SMAD2: variants seen among roughly 807,000 people sequenced by gnomAD.
SMAD2 encodes MAD homolog 2.
In SMAD2, 8 loss-of-function variants were observed where a neutral mutation model predicts 64.4. The observed-to-expected ratio is 0.12, with a 90% CI of 0.07 to 0.22. The LOEUF is 0.22. Ranked by LOEUF, SMAD2 falls within the 10% of genes least tolerant of loss-of-function variation. SMAD2 has a pLI of 1.00. For missense variants in SMAD2, 289 were observed against 561.2 expected (o/e 0.51, Z 4.90); for synonymous variants, 203 against 195.8 (o/e 1.04, Z -0.31).
intron 7 of SMAD2, 142 bp downstream of exon 7, chr18:47,851,132 A>G (rs1442443828): frequency 3.1e-6 from 2 of 646,914 alleles, no homozygotes; most frequent in East Asian, 2.8e-5. Context: ...AAAAAGCACT[A>G]CTTTAACCAC....
intron 6 of SMAD2, among the ~76,000 whole-genome samples, chr18:47,859,386 T>A (rs1012149460): frequency 3.9e-5 from 6 of 152,174 alleles, no homozygotes; most frequent in African/African-American, 7.2e-5. Flanking sequence ...TTTCCAACTA[T>A]ATATGGAACT....
At chr18:47,862,750 T>C (rs972262676) in intron 6 of SMAD2, among the ~76,000 whole-genome samples, 1 of 152,238 alleles carries the variant, frequency 6.6e-6, no homozygotes, top group Non-Finnish European at 1.5e-5. Context: ...GCACAGTGTA[T>C]GTAGAAGATA....
chr18:47,878,161 A>T (rs1268550994), intron 2 of SMAD2: 1 of 152,200 alleles, frequency 6.6e-6, no homozygotes, highest in Non-Finnish European at 1.5e-5. Context: ...AGCTCTAAGT[A>T]GAGCTCACCA....
In SMAD2 at chr18:47,852,040, G is replaced by A. The variant is rs536805004; in HGVS notation, c.731-713C>T. Among the ~76,000 whole-genome samples the A allele has an allele frequency of 2.6e-5, 4 of 152,232 alleles. No homozygotes were observed. In the East Asian group the frequency reaches 7.7e-4, roughly 29 times the overall value. On this transcript the variant is annotated intron_variant, in intron 6 of 10. Transcript: ENST00000262160. ...GATGCTTGAGGTGTTATTGCTTCTA[G>A]ATGAAAACATGGTCACAAGTACAGT...
rs1191716240 is a variant in SMAD2, at chr18:47,828,149, A to T, written c.*13678T>A. On this transcript the variant is annotated 3_prime_UTR_variant, in exon 11 of 11. Transcript: ENST00000262160. ...CGGCCGCCCCGTCTGAGAAGTGAGG[A>T]GCCCCTCCGCCCAGCAACCACCCCG... The T allele has an allele frequency of 6.5e-6, 1 of 153,272 alleles. No individual in the cohort carries two copies. The highest frequency in any genetic ancestry group is 2.6e-5 in the African/African-American group (1 of 37,968). The allele number at this position is 153,272 out of a possible 1,614,324, so 9.5% of individuals were successfully genotyped here. A position where few individuals can be genotyped will look rare whatever the true frequency, so the allele number is the denominator to read the frequency against.
intron 6 of SMAD2, among the ~76,000 whole-genome samples, chr18:47,859,667 A>T (rs2031009547): frequency 6.6e-6 from 1 of 152,204 alleles, no homozygotes; most frequent in African/African-American, 2.4e-5. Context: ...ATAGCTTTAA[A>T]TGTGTACATT....
Position 47,810,520 on chromosome 18 carries a change from C to T in SMAD2, c.*31307G>A, listed in dbSNP as rs902759116. On this transcript the variant is annotated 3_prime_UTR_variant, in exon 11 of 11. Transcript: ENST00000262160. ...TGCCTTATAATTGGCATTAGTGGCACCTGTGACAGCAAATCAAGGTCCTCC... is the reference window on the plus strand; with the variant it reads ...TGCCTTATAATTGGCATTAGTGGCATCTGTGACAGCAAATCAAGGTCCTCC... 4 of 152,184 alleles carry T rather than the reference C, an allele frequency of 2.6e-5. No homozygotes were observed. Among genetic ancestry groups the T allele is most frequent in the African/African-American group, 9.7e-5 (4 of 41,440 alleles). The allele number at this position is 152,184 out of a possible 1,614,324, so 9.4% of individuals were successfully genotyped here.
In SMAD2 at chr18:47,833,432, C is replaced by T. The variant is rs79514034; in HGVS notation, c.*8395G>A. ...AAAATAAAAAAGGAACCACATCGTA[C>T]TTTTGACAATCATAGAACGAAAGCT... On this transcript the variant is annotated 3_prime_UTR_variant, in exon 11 of 11. Transcript: ENST00000262160. 0.012 allele frequency: 2,797 copies of T among 227,258 alleles called. 22 individuals carry two copies. The highest frequency in any genetic ancestry group is 0.025 in the African/African-American group (1,114 of 45,110). The allele number at this position is 227,258 out of a possible 1,614,324, so 14.1% of individuals were successfully genotyped here.
In SMAD2 at chr18:47,826,510, C is replaced by T. The variant is rs1016094767; in HGVS notation, c.*15317G>A. 2 of 152,216 alleles carry T rather than the reference C, an allele frequency of 1.3e-5. No individual in the cohort carries two copies. The allele number at this position is 152,216 out of a possible 1,614,324, so 9.4% of individuals were successfully genotyped here. On this transcript the variant is annotated 3_prime_UTR_variant, in exon 11 of 11. Transcript: ENST00000262160. ...CTGTTGTTGCCTTCTACAACCTCCA[C>T]AAAAACATGCTTGTTTAATGGAGGA...
chr18:47,915,763 AAAC>A lies in SMAD2; in HGVS notation c.-54+14595_-54+14597del, dbSNP rs373135013. Among the ~76,000 whole-genome samples the A allele has an allele frequency of 3.9e-4, 60 of 152,246 alleles. No individual in the cohort carries two copies. In the East Asian group the frequency reaches 7.3e-3, roughly 19 times the overall value. On this transcript the variant is annotated intron_variant, in intron 1 of 10. Transcript: ENST00000262160. ...ACTAATGTAACCACAATCCCCAAAAAAACAACATTTCCAGCACCTCAGATGTCT... is the reference window on the plus strand; with the variant it reads ...ACTAATGTAACCACAATCCCCAAAAAAACATTTCCAGCACCTCAGATGTCT...
rs1913601866 is a variant in SMAD2, at chr18:47,838,070, T to C, written c.*3757A>G. 8.6e-6 allele frequency: 2 copies of C among 233,060 alleles called. No homozygotes were observed. The highest frequency in any genetic ancestry group is 1.8e-4 in the South Asian group (1 of 5,530). The allele number at this position is 233,060 out of a possible 1,614,324, so 14.4% of individuals were successfully genotyped here. A position where few individuals can be genotyped will look rare whatever the true frequency, so the allele number is the denominator to read the frequency against. The stretch of plus-strand genomic sequence containing the variant: ...TTAAGAGGTAGAGAAACCAACTGGG[T>C]ATATATTTTCTTTTATTTGATTTCA... On this transcript the variant is annotated 3_prime_UTR_variant, in exon 11 of 11. Coordinates refer to ENST00000262160, the MANE Select transcript of SMAD2 (RefSeq NM_005901.6).
At chr18:47,879,722 G>A (rs1408971843) in intron 2 of SMAD2, among the ~76,000 whole-genome samples, 1 of 152,128 alleles carries the variant, frequency 6.6e-6, no homozygotes, top group African/African-American at 2.4e-5. Context: ...TCTTGAGTCA[G>A]TGGATAGATG....
Position 47,831,209 on chromosome 18 carries a change from A to T in SMAD2, c.*10618T>A, listed in dbSNP as rs1331685063. The stretch of plus-strand genomic sequence containing the variant: ...AGAACCTACCAGGCTTGTGGTTATC[A>T]ATTTTCTGCTCACCATATAAGCAGT... On this transcript the variant is annotated 3_prime_UTR_variant, in exon 11 of 11. Coordinates refer to ENST00000262160, the MANE Select transcript of SMAD2 (RefSeq NM_005901.6). 1 of 152,200 alleles carries T rather than the reference A, an allele frequency of 6.6e-6. No individual in the cohort carries two copies. The highest frequency in any genetic ancestry group is 2.4e-5 in the African/African-American group (1 of 41,454). 9.4% of individuals were successfully genotyped at this position (152,200 alleles called of 1,614,324 possible).
At chr18:47,853,760 ACAAATCTGCTGGCAAGTC>A (rs2030386315) in intron 6 of SMAD2, among the ~76,000 whole-genome samples, 1 of 29,012 alleles carries the variant, frequency 3.4e-5, no homozygotes, top group Non-Finnish European at 6.9e-5. Flanking sequence ...CTGGCAAGTC[ACAAATCTGCTGGCAAGTC>A]ACAAATCTGC....
At position 47,819,913 on chromosome 18, in the gene SMAD2, G is replaced by A. The variant is rs936167615; in HGVS notation, c.*21914C>T. The A allele has an allele frequency of 6.6e-6, 1 of 152,288 alleles. No homozygotes were observed. The highest frequency in any genetic ancestry group is 1.5e-5 in the Non-Finnish European group (1 of 68,072). 9.4% of individuals were successfully genotyped at this position (152,288 alleles called of 1,614,324 possible). On this transcript the variant is annotated 3_prime_UTR_variant, in exon 11 of 11. Coordinates refer to ENST00000262160, the MANE Select transcript of SMAD2 (RefSeq NM_005901.6). The stretch of plus-strand genomic sequence containing the variant: ...AGCTACTCAGGAAACGGAGGCAGGA[G>A]GATTGTGTGAGTTGGAGTTTGAGGC...
chr18:47,833,612 G>A lies in SMAD2; in HGVS notation c.*8215C>T, dbSNP rs921184865. 1 of 231,000 alleles carries A rather than the reference G, an allele frequency of 4.3e-6. No individual in the cohort carries two copies. The highest frequency in any genetic ancestry group is 2.2e-5 in the African/African-American group (1 of 45,290). The allele number at this position is 231,000 out of a possible 1,614,324, so 14.3% of individuals were successfully genotyped here. On this transcript the variant is annotated 3_prime_UTR_variant, in exon 11 of 11. Transcript: ENST00000262160. Reference sequence around the variant, plus strand: ...AAAAATCTCACCTCACGTGCTCAATGTTCTAGCTGGTAAGCACCTTATGAG... The same window carrying A: ...AAAAATCTCACCTCACGTGCTCAATATTCTAGCTGGTAAGCACCTTATGAG...
rs1913502935 is a variant in SMAD2 at position 47,837,309 on chromosome 18, T to A, written c.*4518A>T. On this transcript the variant is annotated 3_prime_UTR_variant, in exon 11 of 11. Coordinates refer to ENST00000262160, the MANE Select transcript of SMAD2 (RefSeq NM_005901.6). ...TGGGCGCGGTGGCTCATGCCTGTAA[T>A]CCCAGCACTTTGGGAAGCCGAGGTG... 1 of 191,800 alleles carries A rather than the reference T, an allele frequency of 5.2e-6. No individual in the cohort carries two copies. The highest frequency in any genetic ancestry group is 2.3e-5 in the African/African-American group (1 of 42,980). The allele number at this position is 191,800 out of a possible 1,614,324, so 11.9% of individuals were successfully genotyped here.
intron 2 of SMAD2, chr18:47,886,980 C>A (rs540847785): frequency 6.6e-6 from 1 of 151,154 alleles, no homozygotes; most frequent in African/African-American, 2.4e-5. Flanking sequence ...CACGTAGACA[C>A]ACGTAACATC....
chr18:47,878,999 GCTGGTGCACAC>G (rs1156424107), intron 2 of SMAD2, among the ~76,000 whole-genome samples: 2 of 152,168 alleles, frequency 1.3e-5, no homozygotes, highest in Non-Finnish European at 2.9e-5. Flanking sequence ...AGCTGGGTGT[GCTGGTGCACAC>G]CTATGCTCCT....
Sources: allele counts gnomAD v4.1 joint callset (sites outside exome capture counted in the v4.1 genomes callset), GRCh38; gene constraint gnomAD v4.1.1; transcripts MANE v1.5; gene names NCBI Gene and HGNC (gene_info 2026-07-23, HGNC 2026-07-21).